The following CGGBP1 variants were observed in gnomAD, a reference collection of about 807,000 sequenced individuals.
CGGBP1 encodes the protein CGG triplet repeat-binding protein 1.
In CGGBP1, 4 loss-of-function variants were observed where a neutral mutation model predicts 11.4. That is an observed-to-expected ratio of 0.35 (90% CI 0.17 to 0.80). The LOEUF is 0.80. CGGBP1 is among the 30% of genes least tolerant of loss of function. CGGBP1 has a pLI of 0.52. For missense variants in CGGBP1, 135 were observed against 202.1 expected (o/e 0.67, Z 2.01); for synonymous variants, 76 against 74.1 (o/e 1.03, Z -0.13).
chr3:88,056,168 G>T (rs371052597), intron 3 of CGGBP1, 169 bp from the exon 4 acceptor site: 1 of 522,252 alleles, frequency 1.9e-6, no homozygotes, highest in African/African-American at 1.9e-5. Context: ...ATAAGGGAAG[G>T]CAAAACTAGA....
intron 2 of CGGBP1, among the ~76,000 whole-genome samples, chr3:88,089,834 C>G (rs1708540755): frequency 6.6e-6 from 1 of 152,132 alleles, no homozygotes; most frequent in Non-Finnish European, 1.5e-5. Context: ...TTGGGCTAGT[C>G]CATGGCTAGG....
chr3:88,080,431 G>C (rs980281680), intron 2 of CGGBP1, among the ~76,000 whole-genome samples: 3 of 152,034 alleles, frequency 2.0e-5, no homozygotes, highest in Admixed American at 6.6e-5. Flanking sequence ...TTACATGCCA[G>C]GAATTATCCT....
chr3:88,140,291 A>G (rs373266768), intron 2 of CGGBP1: 42 of 1,613,780 alleles, frequency 2.6e-5, no homozygotes, highest in Non-Finnish European at 3.3e-5. Flanking sequence ...GTAAAACACC[A>G]GAGTCATCTG....
chr3:88,105,242 A>G (rs1704664334), intron 2 of CGGBP1, among the ~76,000 whole-genome samples: 1 of 151,868 alleles, frequency 6.6e-6, no homozygotes, highest in Admixed American at 6.6e-5. Flanking sequence ...TAACATATCC[A>G]TGCCCTTTTT....
intron 2 of CGGBP1, among the ~76,000 whole-genome samples, chr3:88,120,035 A>G (rs1190405238): frequency 2.0e-5 from 3 of 151,512 alleles, no homozygotes; most frequent in African/African-American, 4.8e-5. Flanking sequence ...CAAAAAGGAT[A>G]TCCTTAAATA....
chr3:88,133,059 G>A (rs1379616467), intron 2 of CGGBP1, among the ~76,000 whole-genome samples: 1 of 152,142 alleles, frequency 6.6e-6, no homozygotes, highest in African/African-American at 2.4e-5. Context: ...TCTTGCTGTA[G>A]ACCAGCAGGA....
At chr3:88,119,390 TGG>T (rs1559722823) in intron 2 of CGGBP1, among the ~76,000 whole-genome samples, 1 of 41,958 alleles carries the variant, frequency 2.4e-5, no homozygotes, top group Non-Finnish European at 4.3e-5. Flanking sequence ...TGTTGTGGGG[TGG>T]GGGGAGGGGG....
chr3:88,098,893 A>G (rs534033637), intron 2 of CGGBP1, among the ~76,000 whole-genome samples: 2 of 152,310 alleles, frequency 1.3e-5, no homozygotes, highest in East Asian at 1.9e-4. Flanking sequence ...TGAATGGGCA[A>G]AAACTGGAAG....
intron 2 of CGGBP1, among the ~76,000 whole-genome samples, chr3:88,103,227 G>A (rs763538691): frequency 3.9e-5 from 6 of 152,068 alleles, no homozygotes; most frequent in Non-Finnish European, 7.4e-5. Context: ...ACTAGATCCC[G>A]ATATAAAGGC....
chr3:88,139,968 G>T, intron 2 of CGGBP1: 1 of 1,613,776 alleles, frequency 6.2e-7, no homozygotes, highest in African/African-American at 1.3e-5. Flanking sequence ...AAATAAACAT[G>T]CAATGACCGT....
In CGGBP1 at chr3:88,128,920, A is replaced by G. The variant is rs1382022434; in HGVS notation, c.-229+12050T>C. 8 of 1,535,508 alleles carry G rather than the reference A, an allele frequency of 5.2e-6. No homozygotes were observed. The Admixed American group carries it at 1.2e-4, about 23-fold the overall frequency. On this transcript the variant is annotated intron_variant, in intron 2 of 3. Transcript: ENST00000462901. ...ATGGCTCTTATTAAATCTTGTATAA[A>G]TCACCCAGAAATCAGTAAAGACTTA...
At chr3:88,123,733 A>G (rs1705919834) in intron 2 of CGGBP1, among the ~76,000 whole-genome samples, 1 of 152,186 alleles carries the variant, frequency 6.6e-6, no homozygotes, top group African/African-American at 2.4e-5. Flanking sequence ...AGACAACTAG[A>G]AAGATGGATT....
In CGGBP1 at chr3:88,127,980, T is replaced by C. The variant is rs143177570; in HGVS notation, c.-229+12990A>G. Among the ~76,000 whole-genome samples the C allele has an allele frequency of 2.6e-3, 391 of 152,310 alleles. 1 individual carries two copies. The highest frequency in any genetic ancestry group is 8.8e-3 in the African/African-American group (367 of 41,574). On this transcript the variant is annotated intron_variant, in intron 2 of 3. Transcript: ENST00000462901. ...CAAAATAAAACATTTGTAAGCACTT[T>C]AGAAGCTACTGATTAAATATAAGTA...
At chr3:88,148,460 G>C (rs1707348328) in intron 1 of CGGBP1, among the ~76,000 whole-genome samples, 1 of 152,152 alleles carries the variant, frequency 6.6e-6, no homozygotes, top group Admixed American at 6.5e-5. Context: ...TTGAAGAAAG[G>C]TCAGGGTCAT....
At chr3:88,126,448 C>G (rs544738995) in intron 2 of CGGBP1, among the ~76,000 whole-genome samples, 1 of 151,810 alleles carries the variant, frequency 6.6e-6, no homozygotes, top group Non-Finnish European at 1.5e-5. Flanking sequence ...CTTCTGACAC[C>G]TGGATCGGTA....
chr3:88,093,702 C>T (rs958140295), intron 2 of CGGBP1, among the ~76,000 whole-genome samples: 1 of 152,206 alleles, frequency 6.6e-6, no homozygotes, highest in African/African-American at 2.4e-5. Context: ...TACTGTATTT[C>T]ATACAGCATT....
intron 2 of CGGBP1, among the ~76,000 whole-genome samples, chr3:88,083,940 TTTATATA>T (rs1178791593): frequency 5.1e-5 from 1 of 19,500 alleles, no homozygotes; most frequent in Non-Finnish European, 1.4e-4. Context: ...ATGTACTTAT[TTTATATA>T]TATATATATA....
At chr3:88,081,912 A>G (rs1165414521) in intron 2 of CGGBP1, among the ~76,000 whole-genome samples, 1 of 152,204 alleles carries the variant, frequency 6.6e-6, no homozygotes, top group African/African-American at 2.4e-5. Context: ...TATATATACA[A>G]CTACGTTACA....
At chr3:88,086,451 T>C in intron 2 of CGGBP1, 1 of 1,365,450 alleles carries the variant, frequency 7.3e-7, no homozygotes, top group East Asian at 2.6e-5. Context: ...TTGATGTGTT[T>C]GAGAATTTGT....
Sources: allele counts gnomAD v4.1 joint callset (sites outside exome capture counted in the v4.1 genomes callset), GRCh38; gene constraint gnomAD v4.1.1; transcripts MANE v1.5; gene names NCBI Gene and HGNC (gene_info 2026-07-23, HGNC 2026-07-21).